RYR1: variants seen among roughly 807,000 people sequenced by gnomAD.
RYR1 encodes the protein ryanodine receptor 1.
RYR1 carries 342 observed loss-of-function variants against 583.5 expected under a neutral mutation model. The observed-to-expected ratio is 0.59, with a 90% CI of 0.54 to 0.64. RYR1 has a LOEUF of 0.64. Among genes scored for constraint, RYR1 ranks in the 30% least tolerant of loss-of-function variants. The pLI is 0.00. For missense variants in RYR1, 6,032 were observed against 6,917.2 expected (o/e 0.87, Z 4.54); for synonymous variants, 2,791 against 2,822.5 (o/e 0.99, Z 0.35).
At position 38,488,159 on chromosome 19, in the gene RYR1, AT is replaced by A. The variant is rs368910853; in HGVS notation, c.5548-1017del. 2.3e-3 allele frequency among the ~76,000 whole-genome samples: 342 copies of A among 151,798 alleles called. 3 individuals carry two copies. The highest frequency in any genetic ancestry group is 7.9e-3 in the African/African-American group (328 of 41,396). Reference sequence around the variant, plus strand: ...AACCTATCCAGCCATGTGGCCAACCATCCCCCCACCCTCATGGCTATTCACT... The same window carrying A: ...AACCTATCCAGCCATGTGGCCAACCACCCCCCACCCTCATGGCTATTCACT... On this transcript the variant is annotated intron_variant, in intron 34 of 105. Coordinates refer to ENST00000359596, the MANE Select transcript of RYR1 (RefSeq NM_000540.3).
intron 89 of RYR1, 118 bp from the exon 90 acceptor site, chr19:38,560,995 T>G: frequency 2.2e-6 from 2 of 889,148 alleles, no homozygotes; most frequent in Non-Finnish European, 3.5e-6. Context: ...GAGCTGTGAT[T>G]GCGCCACTGC....
intron 84 of RYR1, among the ~76,000 whole-genome samples, chr19:38,542,294 G>T (rs895359102): frequency 1.3e-5 from 2 of 151,872 alleles, no homozygotes; most frequent in African/African-American, 4.8e-5. Context: ...CCTTTAGTAG[G>T]TGCTCAATAA....
chr19:38,581,357 A>G (rs945322056), intron 101 of RYR1, among the ~76,000 whole-genome samples: 10 of 151,790 alleles, frequency 6.6e-5, no homozygotes, highest in East Asian at 2.0e-4. Flanking sequence ...GATTACAGGC[A>G]TGAGCCACTG....
intron 90 of RYR1, among the ~76,000 whole-genome samples, chr19:38,564,167 C>T (rs1331739081): frequency 6.6e-6 from 1 of 152,198 alleles, no homozygotes; most frequent in East Asian, 1.9e-4. Context: ...TTGCTCGAGG[C>T]CAGGAGTTCG....
chr19:38,525,085 A>T lies in RYR1; in HGVS notation c.10456-247A>T, dbSNP rs111226739. Among the ~76,000 whole-genome samples the T allele has an allele frequency of 1.3e-3, 197 of 152,264 alleles. 1 individual carries two copies. The highest frequency in any genetic ancestry group is 4.4e-3 in the African/African-American group (184 of 41,550). ...TGGCAAGACACCATCTCTAAAAATA[A>T]ATTTGTTTAAAAAACAAGAAACTGG... On this transcript the variant is annotated intron_variant, in intron 70 of 105. Transcript: ENST00000359596.
chr19:38,561,875 G>C lies in RYR1; in HGVS notation c.12624+421G>C, dbSNP rs1244753535. Among the ~76,000 whole-genome samples the C allele has an allele frequency of 1.3e-5, 2 of 152,106 alleles. No homozygotes were observed. The highest frequency in any genetic ancestry group is 2.9e-5 in the Non-Finnish European group (2 of 68,008). ...TCACCTTCCCAGTAGCCCCCGGCGT[G>C]CCGTCTCTTGGTCCTGGCCCGCTCA... On this transcript the variant is annotated intron_variant, in intron 90 of 105. Coordinates refer to ENST00000359596, the MANE Select transcript of RYR1 (RefSeq NM_000540.3). This position sits in a 1 kb window ranked among gnomAD's most constrained non-coding sequence, Gnocchi z 4.8.
chr19:38,469,655 G>A, intron 27 of RYR1, 142 bp downstream of exon 27: 1 of 903,708 alleles, frequency 1.1e-6, no homozygotes. Context: ...GGGCTCACGG[G>A]CTGTATGACT....
At position 38,467,683 on chromosome 19, in the gene RYR1, C is replaced by A. The variant is rs144164620; in HGVS notation, c.3252C>A (p.Ser1084Arg). ...FRAEKSYTVQ[S>R]GRWYFEFEAV... ...CAGAGAAATCCTATACAGTGCAGAGCGGCCGCTGGTACTTCGAGTTTGAAG... is the reference window on the plus strand; with the variant it reads ...CAGAGAAATCCTATACAGTGCAGAGAGGCCGCTGGTACTTCGAGTTTGAAG... Residue 1084 changes from serine to arginine, a missense_variant, in exon 25 of 106, where the codon AGC (serine) becomes AGA (arginine). This residue lies in a region of RYR1 where 2,627 missense variants were observed against 2,961.3 expected (regional missense o/e 0.89). Transcript: ENST00000359596. 6.2e-7 allele frequency: 1 copy of A among 1,614,190 alleles called. No homozygotes were observed. The highest frequency in any genetic ancestry group is 8.5e-7 in the Non-Finnish European group (1 of 1,180,034).
chr19:38,572,572 C>G (rs1008905696), intron 95 of RYR1, among the ~76,000 whole-genome samples: 14 of 152,140 alleles, frequency 9.2e-5, no homozygotes, highest in African/African-American at 3.4e-4. Flanking sequence ...TTAAAACTTT[C>G]ATACATGCTA....
chr19:38,493,515 C>CTTTTT (rs1568492618), intron 38 of RYR1, among the ~76,000 whole-genome samples: 2 of 143,056 alleles, frequency 1.4e-5, no homozygotes, highest in African/African-American at 2.6e-5. Flanking sequence ...TTTTCTTTTT[C>CTTTTT]GTTTTTTTTT....
At position 38,452,233 on chromosome 19, in the gene RYR1, T is replaced by C. The variant is rs149033602; in HGVS notation, c.1244+348T>C. Among the ~76,000 whole-genome samples the C allele has an allele frequency of 1.3e-4, 20 of 151,566 alleles. No individual in the cohort carries two copies. In the East Asian group the frequency reaches 3.9e-3, roughly 29 times the overall value. On this transcript the variant is annotated intron_variant, in intron 12 of 105. Coordinates refer to ENST00000359596, the MANE Select transcript of RYR1 (RefSeq NM_000540.3). ...GGGCAGATCGCTTGAGCCCAGGAGT[T>C]CGAGACCAGCCTGAGCAATATAGTG... is the stretch of plus-strand genomic sequence containing the variant.
intron 58 of RYR1, among the ~76,000 whole-genome samples, chr19:38,508,272 C>T (rs371839144): frequency 3.3e-4 from 50 of 152,132 alleles, no homozygotes; most frequent in Non-Finnish European, 5.4e-4. Context: ...TGCAGTGGCA[C>T]GGTCTCGGCT....
rs1600921854 is a variant in RYR1 at position 38,525,432 on chromosome 19, C to T, written c.10556C>T (p.Pro3519Leu). The T allele has an allele frequency of 6.2e-7, 1 of 1,613,958 alleles. No homozygotes were observed. Residue 3519 changes from proline (P) to leucine (L), a missense_variant, in exon 71 of 106, where the codon CCC becomes CTC. Coordinates refer to ENST00000359596, the MANE Select transcript of RYR1 (RefSeq NM_000540.3). ...LIVATLKKML[P>L]IGLNMCAPTD... ...GTGGCCACACTGAAGAAGATGCTGCCCATCGGCCTGAATATGTGTGCGCCC... is the reference window on the plus strand; with the variant it reads ...GTGGCCACACTGAAGAAGATGCTGCTCATCGGCCTGAATATGTGTGCGCCC...
chr19:38,554,220 G>A (rs1053442222), intron 89 of RYR1, among the ~76,000 whole-genome samples: 3 of 150,050 alleles, frequency 2.0e-5, no homozygotes, highest in African/African-American at 7.4e-5. Context: ...GAGAGGCTGA[G>A]GCATGTGGAT....
intron 2 of RYR1, among the ~76,000 whole-genome samples, chr19:38,441,890 A>G (rs1287893344): frequency 6.6e-6 from 1 of 151,764 alleles, no homozygotes; most frequent in East Asian, 2.0e-4. Flanking sequence ...AGGAAAAGGC[A>G]GGAGCGAGGA....
At chr19:38,534,036 C>T (rs1194936532) in intron 78 of RYR1, among the ~76,000 whole-genome samples, 3 of 135,800 alleles carry the variant, frequency 2.2e-5, no homozygotes, top group African/African-American at 5.5e-5. Context: ...GAGACAGAGT[C>T]TCGCTGTGTC....
chr19:38,583,021 G>A (rs1247781967), intron 101 of RYR1, among the ~76,000 whole-genome samples: 1 of 152,164 alleles, frequency 6.6e-6, no homozygotes, highest in Non-Finnish European at 1.5e-5. Context: ...TGTATGCCGG[G>A]CGCTGTGGCT....
In RYR1 at chr19:38,444,676, G is replaced by A. The variant is rs1443079047; in HGVS notation, c.630G>A (p.Glu210=). ...ACCCCATCTGCTCCCGCTGCGAAGA[G>A]GGTGAGGGCCCCAGACCTCCCCCTA... ...NMNPICSRCE[E]GFVTGGHVLR... is the part of the protein sequence containing the mutation. The change falls in exon 7 of 106, where the codon GAG becomes GAA. Residue 210 remains glutamate (E), a splice_region_variant and synonymous_variant. Coordinates refer to ENST00000359596, the MANE Select transcript of RYR1 (RefSeq NM_000540.3). The surrounding 1 kb of genome is among the most constrained non-coding windows in gnomAD (Gnocchi z 5.1). The A allele has an allele frequency of 3.1e-6, 5 of 1,611,884 alleles. No individual in the cohort carries two copies. The highest frequency in any genetic ancestry group is 1.7e-4 in the Middle Eastern group (1 of 6,058).
chr19:38,584,051 A>G (rs1030069736), intron 101 of RYR1, among the ~76,000 whole-genome samples: 3 of 151,278 alleles, frequency 2.0e-5, no homozygotes, highest in African/African-American at 7.3e-5. Context: ...CCACCCCTCC[A>G]CCTAAGGCCT....
Sources: allele counts gnomAD v4.1 joint callset (sites outside exome capture counted in the v4.1 genomes callset), GRCh38; gene constraint gnomAD v4.1.1; regional missense constraint gnomAD v4.1.1; non-coding constraint Gnocchi (gnomAD v3.1); transcripts MANE v1.5; gene names NCBI Gene and HGNC (gene_info 2026-07-23, HGNC 2026-07-21).